Variants in HMCN1 observed in about 807,000 individuals in gnomAD.
HMCN1 encodes hemicentin-1.
Under a neutral mutation model 625.9 loss-of-function variants are expected in HMCN1, and 321 were observed. The ratio of observed to expected loss-of-function variants is 0.51; its 90% CI spans 0.47 to 0.56. The LOEUF (loss-of-function observed/expected upper bound fraction) is 0.56. Ranked by LOEUF, HMCN1 falls within the 20% of genes least tolerant of loss-of-function variation. The pLI, the probability that HMCN1 is intolerant of heterozygous loss-of-function variation, is 0.00. For synonymous variants in HMCN1, 2,425 were observed against 2,417.6 expected, an observed-to-expected ratio of 1.00 and a Z score of -0.09; for missense variants, 6,588 against 6,887.3, an observed-to-expected ratio of 0.96 and a Z score of 1.54.
At chr1:185,916,058 G>A (rs1258293022) in intron 6 of HMCN1, among the ~76,000 whole-genome samples, 2 of 146,084 alleles carry the variant, frequency 1.4e-5, no homozygotes, top group African/African-American at 2.8e-5. Flanking sequence ...GTGCATATGC[G>A]TGTGTGCATA....
chr1:185,994,761 TAA>T, intron 23 of HMCN1, 52 bp from the exon 24 acceptor site: 1 of 1,555,316 alleles, frequency 6.4e-7, no homozygotes. Flanking sequence ...TTAAAGTGAG[TAA>T]AGAAAGGAAT....
chr1:185,838,057 G>A (rs573012967), intron 1 of HMCN1, among the ~76,000 whole-genome samples: 2 of 152,304 alleles, frequency 1.3e-5, no homozygotes, highest in South Asian at 4.1e-4. Context: ...TGGGCATCTG[G>A]ATACTTCTTA....
intron 93 of HMCN1, among the ~76,000 whole-genome samples, chr1:186,148,582 C>T (rs1403839221): frequency 1.3e-5 from 2 of 152,096 alleles, no homozygotes; most frequent in Non-Finnish European, 2.9e-5. Context: ...GATCTCAGCT[C>T]ACTGCAACCT....
At chr1:186,093,826 T>C (rs1406983019) in intron 66 of HMCN1, among the ~76,000 whole-genome samples, 157 bp downstream of exon 66, 2 of 152,138 alleles carry the variant, frequency 1.3e-5, no homozygotes, top group African/African-American at 2.4e-5. Context: ...ACAACAAATA[T>C]ACAGTTGAAA....
intron 4 of HMCN1, among the ~76,000 whole-genome samples, chr1:185,868,791 A>C (rs1663428795): frequency 6.6e-6 from 1 of 152,218 alleles, no homozygotes; most frequent in Non-Finnish European, 1.5e-5. Flanking sequence ...TAAGAAGAAT[A>C]CTTTATAAAA....
chr1:186,159,500 T>G (rs1030227453), intron 97 of HMCN1, among the ~76,000 whole-genome samples: 7 of 152,180 alleles, frequency 4.6e-5, no homozygotes, highest in Non-Finnish European at 5.9e-5. Context: ...CTTGTGCCAG[T>G]TTTCAAAGGG....
At chr1:185,833,834 T>C (rs1265009948) in intron 1 of HMCN1, among the ~76,000 whole-genome samples, 1 of 152,206 alleles carries the variant, frequency 6.6e-6, no homozygotes. Context: ...TCTTCAGATA[T>C]CACATTTTTC....
intron 13 of HMCN1, among the ~76,000 whole-genome samples, chr1:185,964,684 G>A (rs2102562801): frequency 6.6e-6 from 1 of 152,226 alleles, no homozygotes. Flanking sequence ...AAGGCAGACA[G>A]ACAAGTACTA....
chr1:185,767,789 T>C (rs979241080), intron 1 of HMCN1, among the ~76,000 whole-genome samples: 3 of 152,206 alleles, frequency 2.0e-5, no homozygotes, highest in African/African-American at 7.2e-5. Context: ...ATCACTCATT[T>C]AAATCAGGGC....
intron 1 of HMCN1, among the ~76,000 whole-genome samples, chr1:185,746,967 T>A (rs1191875136): frequency 6.6e-6 from 1 of 152,176 alleles, no homozygotes; most frequent in South Asian, 2.1e-4. Flanking sequence ...GATACTCCAA[T>A]GTGGTCGCCT....
At chr1:185,752,165 T>G (rs982446655) in intron 1 of HMCN1, among the ~76,000 whole-genome samples, 1 of 152,174 alleles carries the variant, frequency 6.6e-6, no homozygotes, top group Non-Finnish European at 1.5e-5. Context: ...TAACCTCTAT[T>G]ATCTGTTATA....
intron 38 of HMCN1, among the ~76,000 whole-genome samples, chr1:186,039,472 A>G (rs1656065214): frequency 6.6e-6 from 1 of 152,148 alleles, no homozygotes; most frequent in African/African-American, 2.4e-5. Flanking sequence ...TCCGGCATAA[A>G]AAACTGATTT....
rs747683418 is a variant in HMCN1, at chr1:185,911,726, C to A, written c.846C>A (p.Asn282Lys). The change falls in exon 6 of 107, where the codon AAC becomes AAA. Residue 282 changes from asparagine (N) to lysine (K), a missense_variant. Physicochemically the swap from Asn to Lys is moderately conservative, Grantham distance 94. Transcript: ENST00000271588. ...TGCATGAGCTATTAAATATCCATAACTCTGCCAAAGTAGTGAATGTGAAAG... is the reference window on the plus strand; with the variant it reads ...TGCATGAGCTATTAAATATCCATAAATCTGCCAAAGTAGTGAATGTGAAAG... ...FGLHELLNIHNSAKVVNVKEP... is the reference protein window; with the variant it reads ...FGLHELLNIHKSAKVVNVKEP... 6.2e-7 allele frequency: 1 copy of A among 1,613,550 alleles called. No individual in the cohort carries two copies.
At chr1:185,858,586 ATTTTTTTTTTTTTTTTTTTTTTTTTTTT>A (rs71101980) in intron 2 of HMCN1, among the ~76,000 whole-genome samples, 25 of 34,746 alleles carry the variant, frequency 7.2e-4, no homozygotes, top group African/African-American at 1.5e-3. Flanking sequence ...CACCCAGCTA[ATTTTTTTTTTTTTTTTTTTTTTTTTTTT>A]TTTTTTTTTT....
Position 186,087,469 on chromosome 1 carries a change from A to G in HMCN1, c.9187A>G (p.Ser3063Gly). 2 of 1,613,228 alleles carry G rather than the reference A, an allele frequency of 1.2e-6. No individual in the cohort carries two copies. The highest frequency in any genetic ancestry group is 1.3e-5 in the African/African-American group (1 of 74,988). The change falls in exon 60 of 107, where the codon AGT becomes GGT. Residue 3063 changes from serine to glycine, a missense_variant. Transcript: ENST00000271588. ...GCCCCCAAGCATTAAAGACCATGAC[A>G]GTGAATCTCTTTCTGTAGTTAATGT... Reference protein sequence around the residue: ...YVPPSIKDHDSESLSVVNVRE... With the variant: ...YVPPSIKDHDGESLSVVNVRE...
At chr1:186,003,902 A>G in intron 29 of HMCN1, 58 bp downstream of exon 29, 3 of 1,536,906 alleles carry the variant, frequency 2.0e-6, no homozygotes, top group East Asian at 4.5e-5. Flanking sequence ...AGATGTGAAA[A>G]ATGCATGTGG....
At chr1:185,865,645 C>A in intron 3 of HMCN1, 96 bp from the exon 4 acceptor site, 13 of 851,140 alleles carry the variant, frequency 1.5e-5, no homozygotes, top group Non-Finnish European at 2.0e-5. Context: ...ACATATTCTA[C>A]TTGCCCAGTA....
At chr1:185,774,080 A>G (rs1273225590) in intron 1 of HMCN1, among the ~76,000 whole-genome samples, 3 of 152,180 alleles carry the variant, frequency 2.0e-5, no homozygotes, top group Non-Finnish European at 4.4e-5. Context: ...GTTCCATACT[A>G]TAGAATAATT....
At chr1:186,019,520 C>T (rs1452753710) in intron 34 of HMCN1, 21 bp from the exon 35 acceptor site, 3 of 1,587,558 alleles carry the variant, frequency 1.9e-6, no homozygotes, top group Non-Finnish European at 1.7e-6. Flanking sequence ...TTCATTCCCT[C>T]TCCCCCTTCC....
Sources: gnomAD v4.1 joint callset for allele counts (sites outside exome capture counted in the v4.1 genomes callset) on GRCh38, gnomAD v4.1.1 for gene constraint, MANE v1.5 for transcripts, NCBI Gene and HGNC (gene_info 2026-07-23, HGNC 2026-07-21) for gene names.